ZNRF1: variants seen among roughly 807,000 people sequenced by gnomAD.
ZNRF1 encodes the protein E3 ubiquitin-protein ligase ZNRF1.
In ZNRF1, 3 loss-of-function variants were observed where a neutral mutation model predicts 18.4. The observed-to-expected ratio is 0.16, with a 90% CI of 0.07 to 0.42. The LOEUF is 0.42. Ranked by LOEUF, ZNRF1 falls within the 10% of genes least tolerant of loss-of-function variation. ZNRF1 has a pLI of 0.99. For missense variants in ZNRF1, 310 were observed against 329.8 expected (o/e 0.94, Z 0.47); for synonymous variants, 157 against 144.2 (o/e 1.09, Z -0.64).
intron 1 of ZNRF1, among the ~76,000 whole-genome samples, chr16:75,067,652 C>T (rs1285167544): frequency 6.6e-6 from 1 of 152,052 alleles, no homozygotes; most frequent in African/African-American, 2.4e-5. Context: ...GAGAAAGACC[C>T]ATATACATAC....
intron 1 of ZNRF1, among the ~76,000 whole-genome samples, chr16:75,001,511 G>T (rs905660023): frequency 6.6e-6 from 1 of 152,166 alleles, no homozygotes; most frequent in East Asian, 1.9e-4. Context: ...AGCAGGACAT[G>T]ATTGCCTTTG....
intron 1 of ZNRF1, among the ~76,000 whole-genome samples, chr16:75,032,289 T>C (rs1005843358): frequency 7.7e-6 from 1 of 129,108 alleles, no homozygotes; most frequent in Non-Finnish European, 1.9e-5. Flanking sequence ...TTTGTATTTT[T>C]GTAGAGATGG....
intron 1 of ZNRF1, among the ~76,000 whole-genome samples, chr16:75,078,494 T>C (rs2035971168): frequency 6.6e-6 from 1 of 152,098 alleles, no homozygotes; most frequent in Non-Finnish European, 1.5e-5. Context: ...AGATGGGGTT[T>C]CACCACGTTG....
intron 1 of ZNRF1, among the ~76,000 whole-genome samples, chr16:75,062,419 A>T (rs552388649): frequency 6.6e-6 from 1 of 152,358 alleles, no homozygotes; most frequent in South Asian, 2.1e-4. Flanking sequence ...GCAGTTGCTG[A>T]AGTGAAATGA....
intron 1 of ZNRF1, among the ~76,000 whole-genome samples, chr16:75,019,559 T>C (rs1216420066): frequency 6.6e-6 from 1 of 152,182 alleles, no homozygotes; most frequent in Non-Finnish European, 1.5e-5. Flanking sequence ...ATTTGTACTT[T>C]AGAAGTTTGT....
intron 1 of ZNRF1, among the ~76,000 whole-genome samples, chr16:75,047,983 G>A (rs775212872): frequency 5.9e-5 from 9 of 151,586 alleles, no homozygotes; most frequent in African/African-American, 9.7e-5. Context: ...ACAAGGTCTG[G>A]CTTTGTTGCC....
chr16:75,093,153 G>A (rs2036159633), intron 1 of ZNRF1, among the ~76,000 whole-genome samples: 1 of 152,196 alleles, frequency 6.6e-6, no homozygotes, highest in Admixed American at 6.5e-5. Flanking sequence ...GGGAGGCCGA[G>A]GCGGGTGAAT....
chr16:75,056,749 C>A (rs2035672965), intron 1 of ZNRF1, among the ~76,000 whole-genome samples: 1 of 152,162 alleles, frequency 6.6e-6, no homozygotes, highest in African/African-American at 2.4e-5. Flanking sequence ...GCCTCAGCCT[C>A]CCTAGTAGCT....
intron 1 of ZNRF1, among the ~76,000 whole-genome samples, chr16:75,032,073 G>A (rs906572733): frequency 2.8e-5 from 4 of 145,242 alleles, no homozygotes; most frequent in African/African-American, 7.7e-5. Context: ...GTTTTGATTT[G>A]CAAAGGATAT....
chr16:75,034,856 G>T (rs1597871093), intron 1 of ZNRF1, among the ~76,000 whole-genome samples: 3 of 151,958 alleles, frequency 2.0e-5, no homozygotes, highest in Admixed American at 6.6e-5. Flanking sequence ...CAAACTCCTG[G>T]CCTCAAGTGA....
intron 1 of ZNRF1, among the ~76,000 whole-genome samples, chr16:75,070,786 G>A (rs1481138700): frequency 2.0e-5 from 3 of 152,120 alleles, no homozygotes; most frequent in Non-Finnish European, 4.4e-5. Context: ...AGTGATCCTC[G>A]TGCACTCATG....
At chr16:75,004,859 T>A (rs915327759) in intron 1 of ZNRF1, among the ~76,000 whole-genome samples, 7 of 152,128 alleles carry the variant, frequency 4.6e-5, no homozygotes, top group Non-Finnish European at 1.0e-4. Flanking sequence ...TAAGCAATCC[T>A]CCCACCTCAA....
At chr16:75,031,284 A>G (rs2035299526) in intron 1 of ZNRF1, among the ~76,000 whole-genome samples, 1 of 151,644 alleles carries the variant, frequency 6.6e-6, no homozygotes, top group Non-Finnish European at 1.5e-5. Context: ...GGCGTGCACC[A>G]CCAAACCCAA....
chr16:75,028,164 C>T (rs1490398144), intron 1 of ZNRF1, among the ~76,000 whole-genome samples: 2 of 152,166 alleles, frequency 1.3e-5, no homozygotes, highest in East Asian at 1.9e-4. Context: ...TAAATATTAC[C>T]GCTCTAGTGG....
chr16:75,102,651 G>A (rs937716757), intron 2 of ZNRF1, among the ~76,000 whole-genome samples: 12 of 152,110 alleles, frequency 7.9e-5, no homozygotes, highest in African/African-American at 2.7e-4. Flanking sequence ...ATTTTGGTCT[G>A]AACTTTCTCC....
intron 1 of ZNRF1, among the ~76,000 whole-genome samples, chr16:75,069,398 C>T (rs913371302): frequency 2.0e-5 from 3 of 152,134 alleles, no homozygotes; most frequent in African/African-American, 7.2e-5. Context: ...TGTACATTCT[C>T]CTGGAGTGGG....
At chr16:75,105,977 C>CGTATCAT in intron 3 of ZNRF1, 1 of 158,728 alleles carries the variant, frequency 6.3e-6, no homozygotes, top group East Asian at 1.8e-4. Context: ...TGGGGCTCTC[C>CGTATCAT]TAAGAGGTCA....
chr16:75,030,062 C>CAAAA (rs34968109), intron 1 of ZNRF1, among the ~76,000 whole-genome samples: 1 of 97,780 alleles, frequency 1.0e-5, no homozygotes, highest in Non-Finnish European at 2.1e-5. Context: ...GATGCTATCT[C>CAAAA]AAAAAAAAAA....
chr16:75,102,400 T>C (rs550598020), intron 2 of ZNRF1, among the ~76,000 whole-genome samples: 1 of 152,266 alleles, frequency 6.6e-6, no homozygotes, highest in South Asian at 2.1e-4. Flanking sequence ...AAGATGGTGA[T>C]GCTCAAAGGA....
Sources: allele counts gnomAD v4.1 joint callset (sites outside exome capture counted in the v4.1 genomes callset), GRCh38; gene constraint gnomAD v4.1.1; transcripts MANE v1.5; gene names NCBI Gene and HGNC (gene_info 2026-07-23, HGNC 2026-07-21).